The following HS6ST3 variants were observed in gnomAD, a reference collection of about 807,000 sequenced individuals.
The protein encoded by HS6ST3 is heparan-sulfate 6-O-sulfotransferase 3.
Under a neutral mutation model 36.7 loss-of-function variants are expected in HS6ST3, and 12 were observed. That is an observed-to-expected ratio of 0.33 (90% CI 0.21 to 0.53). HS6ST3 has a LOEUF of 0.53. HS6ST3 is among the 20% of genes least tolerant of loss of function. The pLI is 0.95. For synonymous variants in HS6ST3, 240 were observed against 257.5 expected (o/e 0.93, Z 0.65); for missense variants, 584 against 640.9 (o/e 0.91, Z 0.96).
In HS6ST3 at chr13:96,261,832, T is replaced by C. The variant is rs564643994; in HGVS notation, c.707+170263T>C. On this transcript the variant is annotated intron_variant, in intron 1 of 1. Transcript: ENST00000376705. ...TTGTTTGGTTTCTGACATTGAAATA[T>C]GAAGATAAAGGTATTTTATGGTTCC... Among the ~76,000 whole-genome samples, 3 of 152,324 alleles carry C rather than the reference T, an allele frequency of 2.0e-5. No homozygotes were observed. In the East Asian group the frequency reaches 5.8e-4, roughly 29 times the overall value.
chr13:96,258,918 A>G (rs963591176), intron 1 of HS6ST3, among the ~76,000 whole-genome samples: 5 of 152,274 alleles, frequency 3.3e-5, no homozygotes, highest in Admixed American at 6.5e-5. Flanking sequence ...TAGAGTCTGT[A>G]GAAGGGATTA....
intron 1 of HS6ST3, among the ~76,000 whole-genome samples, chr13:96,568,459 G>T (rs1036139099): frequency 2.6e-5 from 4 of 152,070 alleles, no homozygotes; most frequent in Admixed American, 1.3e-4. Context: ...TAGAGACAGG[G>T]TTTCACCATG....
intron 1 of HS6ST3, among the ~76,000 whole-genome samples, chr13:96,344,525 G>A (rs773691143): frequency 1.3e-5 from 2 of 152,160 alleles, no homozygotes; most frequent in South Asian, 4.1e-4. Flanking sequence ...GTTTGATTAT[G>A]CATTGCTGCT....
intron 1 of HS6ST3, among the ~76,000 whole-genome samples, chr13:96,236,799 G>A (rs1482749686): frequency 6.6e-6 from 1 of 152,172 alleles, no homozygotes; most frequent in Non-Finnish European, 1.5e-5. Context: ...AAATGGCTCT[G>A]TCCTTTCATC....
At chr13:96,748,515 C>G (rs1210057407) in intron 1 of HS6ST3, among the ~76,000 whole-genome samples, 36 of 152,124 alleles carry the variant, frequency 2.4e-4, no homozygotes, top group Non-Finnish European at 5.9e-5. Flanking sequence ...AACAGTCTAA[C>G]TTATTCAGTT....
At chr13:96,235,441 G>C (rs2054529792) in intron 1 of HS6ST3, among the ~76,000 whole-genome samples, 1 of 152,114 alleles carries the variant, frequency 6.6e-6, no homozygotes, top group African/African-American at 2.4e-5. Flanking sequence ...AATGCAGGCT[G>C]CTTGGAGCCA....
intron 1 of HS6ST3, among the ~76,000 whole-genome samples, chr13:96,507,493 T>C (rs1461185176): frequency 6.6e-6 from 1 of 151,980 alleles, no homozygotes; most frequent in Non-Finnish European, 1.5e-5. Context: ...CTCAGAATAA[T>C]AGTTTTGCTT....
Position 96,091,392 on chromosome 13 carries a change from G to C in HS6ST3, c.530G>C (p.Cys177Ser). ...ATCCGGCTGGAGCAGCCTTGTAGCT[G>C]CAAAGCGGGTCAGAAGAAGTGCACC... ...KNIRLEQPCSCKAGQKKCTCH... is the reference protein window; with the variant it reads ...KNIRLEQPCSSKAGQKKCTCH... The change falls in exon 1 of 2, where the codon TGC (cysteine) becomes TCC (serine). Residue 177 changes from cysteine to serine, a missense_variant. Physicochemically the swap from Cys to Ser is moderately radical, Grantham distance 112 (BLOSUM62 -1). Coordinates refer to ENST00000376705, the MANE Select transcript of HS6ST3 (RefSeq NM_153456.4). 6.2e-7 allele frequency: 1 copy of C among 1,613,776 alleles called. No individual in the cohort carries two copies. Among genetic ancestry groups the C allele is most frequent in the South Asian group, 1.1e-5 (1 of 90,986 alleles).
chr13:96,569,477 T>C (rs1330953472), intron 1 of HS6ST3, among the ~76,000 whole-genome samples: 1 of 152,182 alleles, frequency 6.6e-6, no homozygotes, highest in African/African-American at 2.4e-5. Context: ...AGCCCATGCA[T>C]TCTGTCCATA....
chr13:96,799,345 A>G (rs1365927943), intron 1 of HS6ST3, among the ~76,000 whole-genome samples: 1 of 152,030 alleles, frequency 6.6e-6, no homozygotes, highest in Non-Finnish European at 1.5e-5. Context: ...TTTGATTTGC[A>G]TTTCTCTGAT....
intron 1 of HS6ST3, among the ~76,000 whole-genome samples, chr13:96,524,308 C>A (rs2056105136): frequency 6.6e-6 from 1 of 152,194 alleles, no homozygotes; most frequent in South Asian, 2.1e-4. Context: ...TCAGGCTACA[C>A]AGGGGTCAGG....
chr13:96,617,106 C>T (rs2056477378), intron 1 of HS6ST3, among the ~76,000 whole-genome samples: 2 of 152,184 alleles, frequency 1.3e-5, no homozygotes, highest in African/African-American at 4.8e-5. Context: ...AATTTGTCTA[C>T]AGTCATTTCA....
At chr13:96,199,040 A>G (rs2054328491) in intron 1 of HS6ST3, among the ~76,000 whole-genome samples, 1 of 152,172 alleles carries the variant, frequency 6.6e-6, no homozygotes, top group African/African-American at 2.4e-5. Flanking sequence ...AGAGAAAATG[A>G]GAGAGAAGCA....
At chr13:96,114,561 A>G (rs2053884945) in intron 1 of HS6ST3, among the ~76,000 whole-genome samples, 1 of 152,144 alleles carries the variant, frequency 6.6e-6, no homozygotes, top group African/African-American at 2.4e-5. Context: ...GTAACTTACC[A>G]TTTTTTGTGC....
At chr13:96,522,598 A>G (rs2056098064) in intron 1 of HS6ST3, among the ~76,000 whole-genome samples, 1 of 152,066 alleles carries the variant, frequency 6.6e-6, no homozygotes, top group African/African-American at 2.4e-5. Flanking sequence ...CTTTACCATT[A>G]TGTAATGGCC....
intron 1 of HS6ST3, among the ~76,000 whole-genome samples, chr13:96,269,506 C>T (rs1471960350): frequency 6.6e-6 from 1 of 151,972 alleles, no homozygotes; most frequent in Non-Finnish European, 1.5e-5. Context: ...AGTCATTCTG[C>T]TTTCCATGAA....
intron 1 of HS6ST3, among the ~76,000 whole-genome samples, chr13:96,770,884 G>A (rs1877246752): frequency 6.6e-6 from 1 of 152,164 alleles, no homozygotes; most frequent in Non-Finnish European, 1.5e-5. Context: ...CCGTTGTAAG[G>A]TAGTTAGTCC....
intron 1 of HS6ST3, among the ~76,000 whole-genome samples, chr13:96,319,171 G>C (rs2054991486): frequency 6.6e-6 from 1 of 152,096 alleles, no homozygotes; most frequent in African/African-American, 2.4e-5. Context: ...TGTATCTATG[G>C]ATTTGCCTAT....
intron 1 of HS6ST3, among the ~76,000 whole-genome samples, chr13:96,775,633 G>T (rs979413490): frequency 6.6e-6 from 1 of 151,720 alleles, no homozygotes; most frequent in African/African-American, 2.4e-5. Flanking sequence ...AATACAACAA[G>T]AAGGACTATC....
Sources: allele counts gnomAD v4.1 joint callset (sites outside exome capture counted in the v4.1 genomes callset), GRCh38; gene constraint gnomAD v4.1.1; transcripts MANE v1.5; gene names NCBI Gene and HGNC (gene_info 2026-07-23, HGNC 2026-07-21).